The following DDX43 variants were observed in gnomAD, a reference collection of about 807,000 sequenced individuals.
The protein encoded by DDX43 is probable ATP-dependent RNA helicase DDX43.
DDX43 carries 50 observed loss-of-function variants against 84.9 expected under a neutral mutation model. The ratio of observed to expected loss-of-function variants is 0.59; its 90% CI spans 0.47 to 0.75. The LOEUF (loss-of-function observed/expected upper bound fraction) is 0.75, where lower values mean the gene tolerates loss of function less well. DDX43 is among the 30% of genes least tolerant of loss of function. The pLI is 0.00. For synonymous variants in DDX43, 291 were observed against 266.3 expected, an observed-to-expected ratio of 1.09 and a Z score of -0.90; for missense variants, 689 against 798.6, an observed-to-expected ratio of 0.86 and a Z score of 1.65.
chr6:73,404,795 G>T, intron 5 of DDX43, 24 bp downstream of exon 5: 1 of 1,565,620 alleles, frequency 6.4e-7, no homozygotes, highest in Non-Finnish European at 8.8e-7. Context: ...TTACCTAGTT[G>T]TGTAAGTATT....
chr6:73,405,471 T>G (rs1443207993), intron 5 of DDX43, among the ~76,000 whole-genome samples: 1 of 152,190 alleles, frequency 6.6e-6, no homozygotes, highest in Non-Finnish European at 1.5e-5. Context: ...TGTATAATGT[T>G]TTTAAGTTTC....
chr6:73,397,846 A>G, intron 2 of DDX43, 102 bp downstream of exon 2: 1 of 1,063,888 alleles, frequency 9.4e-7, no homozygotes, highest in Non-Finnish European at 1.4e-6. Context: ...TCTGTCTCCC[A>G]GGCTGGAGTG....
Position 73,414,532 on chromosome 6 carries a change from T to G in DDX43, c.1607-16T>G, listed in dbSNP as rs1416925609. 2 of 1,606,756 alleles carry G rather than the reference T, an allele frequency of 1.2e-6. No homozygotes were observed. The highest frequency in any genetic ancestry group is 1.3e-5 in the African/African-American group (1 of 74,782). On this transcript the variant is annotated splice_polypyrimidine_tract_variant and intron_variant, in intron 13 of 16. Coordinates refer to ENST00000370336, the MANE Select transcript of DDX43 (RefSeq NM_018665.3). ...ATACCAGAATGGTTCAGTGTTCATT[T>G]GGCTTTACTTTTTAGGCAAAGTGAG...
At chr6:73,405,360 C>A (rs191500566) in intron 5 of DDX43, among the ~76,000 whole-genome samples, 1 of 152,178 alleles carries the variant, frequency 6.6e-6, no homozygotes, top group Non-Finnish European at 1.5e-5. Context: ...ATGTGTGGAA[C>A]ATCGTAGGCC....
chr6:73,414,683 C>A lies in DDX43; in HGVS notation c.1742C>A (p.Ala581Glu). 6.2e-7 allele frequency: 1 copy of A among 1,610,616 alleles called. No homozygotes were observed. The change falls in exon 14 of 17, where the codon GCA becomes GAA. Residue 581 changes from alanine to glutamate, a missense_variant. By Grantham distance (107) the Ala-to-Glu change is moderately radical. Coordinates refer to ENST00000370336, the MANE Select transcript of DDX43 (RefSeq NM_018665.3). ...YVHRIGRTGR[A>E]GRTGVSITTL... ...CACCGAATAGGGCGCACGGGAAGAGCAGGGTAAGTAAGCTTAGTCCACCCA... is the reference window on the plus strand; with the variant it reads ...CACCGAATAGGGCGCACGGGAAGAGAAGGGTAAGTAAGCTTAGTCCACCCA...
intron 3 of DDX43, among the ~76,000 whole-genome samples, chr6:73,401,051 C>T (rs557037915): frequency 3.7e-4 from 56 of 152,212 alleles, no homozygotes; most frequent in African/African-American, 1.2e-3. Flanking sequence ...GATCATGGCT[C>T]ATTATAGCCT....
At position 73,394,979 on chromosome 6, in the gene DDX43, G is replaced by C. The variant is rs201600777; in HGVS notation, c.74G>C (p.Arg25Pro). 6.2e-7 allele frequency: 1 copy of C among 1,614,244 alleles called. No individual in the cohort carries two copies. Among genetic ancestry groups the C allele is most frequent in the Admixed American group, 1.7e-5 (1 of 60,032 alleles). The change falls in exon 1 of 17, where the codon CGA becomes CCA. Residue 25 changes from arginine to proline, a missense_variant. Coordinates refer to ENST00000370336, the MANE Select transcript of DDX43 (RefSeq NM_018665.3). ...VASRRSSTVS[R>P]APERRPAEEL... ...AGTCGGCGAAGCTCGACAGTGTCCC[G>C]AGCGCCAGAGAGGAGGCCGGCGGAG... is the stretch of plus-strand genomic sequence containing the variant.
intron 6 of DDX43, 44 bp downstream of exon 6, chr6:73,405,879 C>T (rs781309510): frequency 1.0e-5 from 16 of 1,566,666 alleles, no homozygotes; most frequent in African/African-American, 2.7e-5. Flanking sequence ...TGTTTTTCTT[C>T]GAAACCAGTG....
chr6:73,399,816 A>G (rs188376040), intron 2 of DDX43, among the ~76,000 whole-genome samples: 1 of 152,258 alleles, frequency 6.6e-6, no homozygotes, highest in African/African-American at 2.4e-5. Context: ...AGTTCAGTGA[A>G]CTCTCTATAT....
intron 11 of DDX43, among the ~76,000 whole-genome samples, chr6:73,412,670 C>CGCGT (rs1554236171): frequency 1.0e-4 from 3 of 29,278 alleles, no homozygotes; most frequent in East Asian, 1.1e-3. Flanking sequence ...TGTGTGTGTG[C>CGCGT]GCGCGCGCGT....
chr6:73,408,230 T>C, intron 9 of DDX43, 129 bp downstream of exon 9: 1 of 837,986 alleles, frequency 1.2e-6, no homozygotes, highest in Non-Finnish European at 1.8e-6. Context: ...AGGTCAGGAG[T>C]TCGAGACCAA....
Position 73,414,690 on chromosome 6 carries a change from A to G in DDX43, c.1745+4A>G. The G allele has an allele frequency of 6.2e-7, 1 of 1,608,870 alleles. No homozygotes were observed. The highest frequency in any genetic ancestry group is 1.3e-5 in the African/African-American group (1 of 74,824). On this transcript the variant is annotated splice_donor_region_variant and intron_variant, in intron 14 of 16. Transcript: ENST00000370336. The stretch of plus-strand genomic sequence containing the variant: ...TAGGGCGCACGGGAAGAGCAGGGTA[A>G]GTAAGCTTAGTCCACCCATGAAAGG...
chr6:73,404,548 C>G (rs1769637100), intron 4 of DDX43, 142 bp from the exon 5 acceptor site: 1 of 680,254 alleles, frequency 1.5e-6, no homozygotes, highest in South Asian at 1.9e-5. Context: ...TCGATGGGAG[C>G]AAGCCTCGTT....
At chr6:73,403,816 ATTTTTTT>A (rs35707346) in intron 4 of DDX43, among the ~76,000 whole-genome samples, 1 of 138,584 alleles carries the variant, frequency 7.2e-6, no homozygotes, top group African/African-American at 2.7e-5. Context: ...TGCCAGGCTA[ATTTTTTT>A]TTTTTTTTTT....
chr6:73,413,715 C>A lies in DDX43; in HGVS notation c.1426C>A (p.His476Asn). The change falls in exon 12 of 17, where the codon CAC becomes AAC. Residue 476 changes from histidine (H) to asparagine (N), a missense_variant. His to Asn is a moderately conservative substitution (Grantham distance 68). Transcript: ENST00000370336. ...AACCACCGAGGAAGAGAAATGGAGTCACATGCAAACTTTTCTACAGAGTAT... is the reference window on the plus strand; with the variant it reads ...AACCACCGAGGAAGAGAAATGGAGTAACATGCAAACTTTTCTACAGAGTAT... ...IVTTEEEKWS[H>N]MQTFLQSMSS... 6.2e-7 allele frequency: 1 copy of A among 1,613,722 alleles called. No individual in the cohort carries two copies. The highest frequency in any genetic ancestry group is 1.1e-5 in the South Asian group (1 of 90,984).
In DDX43 at chr6:73,409,291, C is replaced by G; in HGVS notation, c.1223C>G (p.Pro408Arg). The change falls in exon 10 of 17, where the codon CCC (proline) becomes CGC (arginine). Residue 408 changes from proline (P) to arginine (R), a missense_variant. By Grantham distance (103) the Pro-to-Arg change is moderately radical. Transcript: ENST00000370336. ...ADKMLDMGFE[P>R]QIMKILLDVR... ...AAGATGTTGGACATGGGATTTGAAC[C>G]CCAGATAATGAAGATTTTGTTAGAT... 6 of 1,613,990 alleles carry G rather than the reference C, an allele frequency of 3.7e-6. No homozygotes were observed. The highest frequency in any genetic ancestry group is 5.1e-6 in the Non-Finnish European group (6 of 1,179,970).
chr6:73,402,066 CTTTATT>C (rs1225844521), intron 4 of DDX43, 76 bp downstream of exon 4: 4 of 1,550,648 alleles, frequency 2.6e-6, no homozygotes, highest in South Asian at 1.2e-5. Context: ...AATGTCTGTG[CTTTATT>C]TTTAGTAATG....
At chr6:73,416,466 G>A (rs908058975) in intron 16 of DDX43, among the ~76,000 whole-genome samples, 1 of 152,118 alleles carries the variant, frequency 6.6e-6, no homozygotes, top group African/African-American at 2.4e-5. Context: ...ATTCATAATA[G>A]TCAAGGGTAT....
chr6:73,395,077 C>T lies in DDX43; in HGVS notation c.172C>T (p.Pro58Ser). Residue 58 changes from proline to serine, a missense_variant, in exon 1 of 17, where the codon CCG (proline) becomes TCG (serine). By Grantham distance (74) the Pro-to-Ser change is moderately conservative. Coordinates refer to ENST00000370336, the MANE Select transcript of DDX43 (RefSeq NM_018665.3). ...TCGCTGGAGAGGCACCTCTAGGCCC[C>T]CGGAGGCCGTGGCCGCTGGTCACGA... The part of the protein sequence containing the change: ...GGRWRGTSRP[P>S]EAVAAGHEEL... 2 of 1,614,142 alleles carry T rather than the reference C, an allele frequency of 1.2e-6. No individual in the cohort carries two copies. Among genetic ancestry groups the T allele is most frequent in the Middle Eastern group, 1.7e-4 (1 of 6,060 alleles).
Sources: gnomAD v4.1 joint callset for allele counts (sites outside exome capture counted in the v4.1 genomes callset) on GRCh38, gnomAD v4.1.1 for gene constraint, MANE v1.5 for transcripts, NCBI Gene and HGNC (gene_info 2026-07-23, HGNC 2026-07-21) for gene names.